NEO1: variants seen among roughly 807,000 people sequenced by gnomAD.
The protein encoded by NEO1 is neogenin 1.
NEO1 carries 63 observed loss-of-function variants against 159.7 expected under a neutral mutation model. The observed-to-expected ratio is 0.39, with a 90% CI of 0.32 to 0.49. The LOEUF (loss-of-function observed/expected upper bound fraction) is 0.49. NEO1 is among the 20% of genes least tolerant of loss of function. NEO1 has a pLI of 0.85. For synonymous variants in NEO1, 633 were observed against 662.0 expected (o/e 0.96, Z 0.67); for missense variants, 1,615 against 1,831.0 (o/e 0.88, Z 2.15).
At chr15:73,082,139 G>T (rs2069093242) in intron 1 of NEO1, among the ~76,000 whole-genome samples, 1 of 133,500 alleles carries the variant, frequency 7.5e-6, no homozygotes, top group South Asian at 2.4e-4. Context: ...CTCCCAGAGT[G>T]CTGGGATTAC....
At position 73,122,680 on chromosome 15, in the gene NEO1, C is replaced by A. The variant is rs1469436636; in HGVS notation, c.604C>A (p.Pro202Thr). 1 of 1,614,092 alleles carries A rather than the reference C, an allele frequency of 6.2e-7. No homozygotes were observed. ...TCTGGATGATAGAGTTATCAAACTT[C>A]CAAGTGGAATGCTGGTTATCAGCAA... Reference protein sequence around the residue: ...LLLDDRVIKLPSGMLVISNAT... With the variant: ...LLLDDRVIKLTSGMLVISNAT... The change falls in exon 3 of 29, where the codon CCA (proline) becomes ACA (threonine). Residue 202 changes from proline to threonine, a missense_variant. Transcript: ENST00000261908.
intron 1 of NEO1, among the ~76,000 whole-genome samples, chr15:73,071,764 C>T (rs2068544177): frequency 6.6e-6 from 1 of 152,184 alleles, no homozygotes; most frequent in Non-Finnish European, 1.5e-5. Flanking sequence ...GATCGGCCCA[C>T]CGTGGCTTCC....
chr15:73,269,994 A>G lies in NEO1; in HGVS notation c.2495-16A>G. 1 of 1,597,276 alleles carries G rather than the reference A, an allele frequency of 6.3e-7. No homozygotes were observed. The highest frequency in any genetic ancestry group is 8.6e-7 in the Non-Finnish European group (1 of 1,166,162). On this transcript the variant is annotated splice_polypyrimidine_tract_variant and intron_variant, in intron 16 of 28. Transcript: ENST00000261908. ...ATTAAAATGCCACTTCCCTTTTTAA[A>G]TTATTTTCTGCTCAGACACTTCTGA...
chr15:73,070,673 T>G (rs2068487610), intron 1 of NEO1, among the ~76,000 whole-genome samples: 1 of 152,238 alleles, frequency 6.6e-6, no homozygotes, highest in Non-Finnish European at 1.5e-5. Context: ...TTTTTCCCTG[T>G]ACATACATAT....
chr15:73,084,025 A>C (rs142879480), intron 1 of NEO1, among the ~76,000 whole-genome samples: 1 of 152,020 alleles, frequency 6.6e-6, no homozygotes, highest in Admixed American at 6.6e-5. Context: ...TATTGTGGAC[A>C]ACATAATAAT....
chr15:73,182,243 G>C (rs1240673265), intron 7 of NEO1, among the ~76,000 whole-genome samples: 2 of 152,166 alleles, frequency 1.3e-5, no homozygotes, highest in African/African-American at 4.8e-5. Context: ...AATTGTGGGA[G>C]TTACAATTCA....
intron 5 of NEO1, among the ~76,000 whole-genome samples, chr15:73,147,848 A>T (rs554789823): frequency 1.1e-4 from 16 of 147,254 alleles, no homozygotes; most frequent in Non-Finnish European, 2.1e-4. Context: ...AAATCTCACT[A>T]TGTCGCCCAG....
At chr15:73,236,596 T>C (rs747873) in intron 8 of NEO1, 90 bp downstream of exon 8, 523,848 of 1,130,716 alleles carry the variant, frequency 0.46, 127,054 homozygotes, top group Admixed American at 0.54. Context: ...TCTGTACCAA[T>C]TTTTAGTCCA....
At chr15:73,134,741 G>A (rs1296398985) in intron 4 of NEO1, among the ~76,000 whole-genome samples, 1 of 151,920 alleles carries the variant, frequency 6.6e-6, no homozygotes, top group Non-Finnish European at 1.5e-5. Context: ...GTAGAGATGG[G>A]GTTTCTCCTG....
intron 1 of NEO1, among the ~76,000 whole-genome samples, chr15:73,073,223 G>A (rs942143199): frequency 1.3e-5 from 2 of 152,158 alleles, no homozygotes; most frequent in Non-Finnish European, 2.9e-5. Context: ...AAGGAGGAGA[G>A]TATCTGATTC....
chr15:73,122,940 CG>C, intron 3 of NEO1, 140 bp downstream of exon 3: 1 of 1,027,124 alleles, frequency 9.7e-7, no homozygotes, highest in Non-Finnish European at 1.4e-6. Flanking sequence ...GAGGTTGAAG[CG>C]GGTGGATCAC....
At chr15:73,300,417 A>G (rs896052089) in intron 27 of NEO1, among the ~76,000 whole-genome samples, 3 of 152,162 alleles carry the variant, frequency 2.0e-5, no homozygotes, top group African/African-American at 4.8e-5. Flanking sequence ...ACTCAAAACT[A>G]TCACAAGTAC....
chr15:73,300,735 A>G (rs891498611), intron 27 of NEO1, among the ~76,000 whole-genome samples: 1 of 152,252 alleles, frequency 6.6e-6, no homozygotes, highest in African/African-American at 2.4e-5. Context: ...CGTCTCAAAA[A>G]AAAAGACAGC....
intron 7 of NEO1, among the ~76,000 whole-genome samples, chr15:73,204,281 T>C (rs1312702870): frequency 6.6e-6 from 1 of 151,998 alleles, no homozygotes; most frequent in Non-Finnish European, 1.5e-5. Context: ...GCAGTTTGGG[T>C]ATGATGTGCT....
chr15:73,115,331 G>C (rs975565175), intron 1 of NEO1, among the ~76,000 whole-genome samples: 2 of 152,190 alleles, frequency 1.3e-5, no homozygotes, highest in South Asian at 2.1e-4. Flanking sequence ...GTGAGCCACC[G>C]TGCCCAGCCA....
intron 26 of NEO1, among the ~76,000 whole-genome samples, chr15:73,297,891 C>A (rs367995046): frequency 4.6e-5 from 7 of 152,234 alleles, no homozygotes; most frequent in East Asian, 1.9e-4. Flanking sequence ...ATTGGCCTCT[C>A]CTGCAGTGAC....
intron 5 of NEO1, among the ~76,000 whole-genome samples, chr15:73,143,899 A>T (rs375861943): frequency 6.6e-6 from 1 of 152,066 alleles, no homozygotes; most frequent in East Asian, 1.9e-4. Flanking sequence ...TTTCTTACTG[A>T]TTTGTTTATA....
intron 26 of NEO1, among the ~76,000 whole-genome samples, chr15:73,298,002 G>T (rs1287744093): frequency 6.6e-6 from 1 of 152,226 alleles, no homozygotes; most frequent in Non-Finnish European, 1.5e-5. Context: ...AGATTCCAGT[G>T]AGTGAAGTTT....
intron 4 of NEO1, among the ~76,000 whole-genome samples, chr15:73,132,625 C>A (rs1212995872): frequency 6.6e-6 from 1 of 152,166 alleles, no homozygotes; most frequent in African/African-American, 2.4e-5. Context: ...AAAAGCTTCA[C>A]AATCTATACA....
Sources: allele counts gnomAD v4.1 joint callset (sites outside exome capture counted in the v4.1 genomes callset), GRCh38; gene constraint gnomAD v4.1.1; transcripts MANE v1.5; gene names NCBI Gene and HGNC (gene_info 2026-07-23, HGNC 2026-07-21).